Variants in MMP26 observed in about 807,000 individuals in gnomAD.
MMP26 encodes matrix metallopeptidase 26.
A neutral mutation model predicts 31.0 loss-of-function variants in MMP26; 33 were observed. The observed-to-expected ratio is 1.06, with a 90% CI of 0.81 to 1.42. MMP26 has a LOEUF of 1.42. MMP26 is among the 40% of genes most tolerant of loss of function. MMP26 has a pLI of 0.00. For missense variants in MMP26, 347 were observed against 316.1 expected, an observed-to-expected ratio of 1.10 and a Z score of -0.74; for synonymous variants, 122 against 114.9, an observed-to-expected ratio of 1.06 and a Z score of -0.40.
chr11:4,896,984 A>C (rs1018870957), intron 2 of MMP26, among the ~76,000 whole-genome samples: 3 of 152,034 alleles, frequency 2.0e-5, no homozygotes, highest in Non-Finnish European at 4.4e-5. Context: ...TCTTACTTTA[A>C]AGTCCATTTT....
In MMP26 at chr11:4,813,279, G is replaced by A. The variant is rs193237768; in HGVS notation, c.-145+45938G>A. 1.4e-3 allele frequency among the ~76,000 whole-genome samples: 217 copies of A among 152,196 alleles called. 1 individual carries two copies. Among genetic ancestry groups the A allele is most frequent in the Non-Finnish European group, 2.5e-3 (168 of 68,012 alleles). ...AGACACTTACCCTAAAGATGGCCTT[G>A]TATTTATGGAAAAATAGATCAATAC... On this transcript the variant is annotated intron_variant, in intron 2 of 7. Transcript: ENST00000380390.
At chr11:4,776,091 C>T (rs567779966) in intron 2 of MMP26, among the ~76,000 whole-genome samples, 1 of 152,146 alleles carries the variant, frequency 6.6e-6, no homozygotes, top group South Asian at 2.1e-4. Flanking sequence ...ATCATGGCCT[C>T]CAGTTTCATC....
chr11:4,722,922 C>A lies in MMP26; in HGVS notation c.-217+17877C>A, dbSNP rs540626156. On this transcript the variant is annotated intron_variant, in intron 1 of 7. Transcript: ENST00000380390. ...AGGCCCCCATAGGCCGAGCTTAGAC[C>A]ACCTGCATAGACACTGGTGGTCTTT... is the stretch of plus-strand genomic sequence containing the variant. 3.1e-5 allele frequency: 24 copies of A among 785,170 alleles called. No homozygotes were observed. The East Asian group carries it at 5.3e-4, about 17-fold the overall frequency. The allele number at this position is 785,170 out of a possible 1,614,324, so 48.6% of individuals were successfully genotyped here.
intron 2 of MMP26, among the ~76,000 whole-genome samples, chr11:4,920,089 G>A (rs752103014): frequency 8.5e-5 from 13 of 152,090 alleles, no homozygotes; most frequent in Non-Finnish European, 1.6e-4. Context: ...TGATGAAGAA[G>A]GCATTTTAGA....
intron 2 of MMP26, among the ~76,000 whole-genome samples, chr11:4,948,738 C>T (rs1869822): frequency 0.74 from 90,208 of 122,478 alleles, 39,247 homozygotes; most frequent in Middle Eastern, 0.88. Context: ...TCAATATTTA[C>T]TTGACTAAAG....
intron 2 of MMP26, among the ~76,000 whole-genome samples, chr11:4,942,625 T>C (rs1846230921): frequency 1.3e-5 from 2 of 152,196 alleles, no homozygotes; most frequent in South Asian, 4.1e-4. Flanking sequence ...TTTGCTTTGG[T>C]TGCAATAAGA....
rs1300041105 is a variant in MMP26, at chr11:4,948,586, A to T, written c.-144-39482A>T. 1.6e-5 allele frequency among the ~76,000 whole-genome samples: 2 copies of T among 124,056 alleles called. 1 individual carries two copies. Among genetic ancestry groups the T allele is most frequent in the Admixed American group, 1.8e-4 (2 of 11,106 alleles). The allele number at this position is 124,056 out of a possible 152,430, so 81.4% of individuals were successfully genotyped here. A position where few individuals can be genotyped will look rare whatever the true frequency, so the allele number is the denominator to read the frequency against. ...ACTGACTACTAGTTGATTCTAGTGGATAAGATGAAACATTTGGTCCTACAG... is the reference window on the plus strand; with the variant it reads ...ACTGACTACTAGTTGATTCTAGTGGTTAAGATGAAACATTTGGTCCTACAG... On this transcript the variant is annotated intron_variant, in intron 2 of 7. Coordinates refer to ENST00000380390, the MANE Select transcript of MMP26 (RefSeq NM_021801.5).
chr11:4,780,906 T>A (rs1848849874), intron 2 of MMP26, among the ~76,000 whole-genome samples: 1 of 151,790 alleles, frequency 6.6e-6, no homozygotes, highest in South Asian at 2.1e-4. Flanking sequence ...TCTGTAGATA[T>A]GTAAATTTAC....
At chr11:4,791,726 A>G (rs1054606957) in intron 2 of MMP26, among the ~76,000 whole-genome samples, 1 of 152,134 alleles carries the variant, frequency 6.6e-6, no homozygotes, top group Non-Finnish European at 1.5e-5. Context: ...GCAAAATAAT[A>G]TATAATGAAT....
At chr11:4,841,516 G>A (rs1226761048) in intron 2 of MMP26, among the ~76,000 whole-genome samples, 1 of 152,136 alleles carries the variant, frequency 6.6e-6, no homozygotes, top group Non-Finnish European at 1.5e-5. Context: ...GTGCTCTCAA[G>A]GAAGAGTTCT....
intron 2 of MMP26, among the ~76,000 whole-genome samples, chr11:4,905,720 A>T (rs1227831558): frequency 1.3e-5 from 2 of 152,168 alleles, no homozygotes; most frequent in Admixed American, 1.3e-4. Context: ...TATAGGCGGA[A>T]TTTATAATGA....
intron 2 of MMP26, among the ~76,000 whole-genome samples, chr11:4,894,498 G>A (rs1456765380): frequency 2.0e-5 from 3 of 152,134 alleles, no homozygotes; most frequent in Admixed American, 1.3e-4. Context: ...AAGGAAGGCC[G>A]AAGCCTTGGT....
At chr11:4,936,803 C>A (rs1408224524) in intron 2 of MMP26, among the ~76,000 whole-genome samples, 4 of 152,034 alleles carry the variant, frequency 2.6e-5, no homozygotes, top group African/African-American at 9.7e-5. Flanking sequence ...AAAATATACC[C>A]TTTGTAATAA....
chr11:4,745,607 G>T (rs772423969), intron 1 of MMP26, among the ~76,000 whole-genome samples: 1 of 152,174 alleles, frequency 6.6e-6, no homozygotes, highest in Non-Finnish European at 1.5e-5. Context: ...ACATTGACAA[G>T]AAATTATCAC....
intron 2 of MMP26, among the ~76,000 whole-genome samples, chr11:4,910,668 T>G (rs756858708): frequency 2.2e-4 from 34 of 152,130 alleles, no homozygotes; most frequent in Admixed American, 7.9e-4. Context: ...CTTTAATTGT[T>G]TAAAGATTGC....
At chr11:4,882,078 C>G (rs375143259) in intron 2 of MMP26, 22 of 1,613,778 alleles carry the variant, frequency 1.4e-5, no homozygotes, top group African/African-American at 2.7e-5. Context: ...CTCCACAAAC[C>G]CATGTATTAT....
At chr11:4,761,326 C>T (rs1848566925) in intron 1 of MMP26, among the ~76,000 whole-genome samples, 1 of 152,162 alleles carries the variant, frequency 6.6e-6, no homozygotes, top group African/African-American at 2.4e-5. Flanking sequence ...GGAGAGCAGC[C>T]ACTTGATTTG....
chr11:4,891,785 T>C (rs947486900), intron 2 of MMP26, among the ~76,000 whole-genome samples: 10 of 152,178 alleles, frequency 6.6e-5, no homozygotes, highest in Admixed American at 2.6e-4. Context: ...TAGCTCAACA[T>C]ACACTTTCAC....
At chr11:4,720,453 T>A (rs1440270692) in intron 1 of MMP26, among the ~76,000 whole-genome samples, 1 of 152,218 alleles carries the variant, frequency 6.6e-6, no homozygotes, top group African/African-American at 2.4e-5. Flanking sequence ...GATATGCTAT[T>A]CGGGTCTAGA....
Sources: gnomAD v4.1 joint callset for allele counts (sites outside exome capture counted in the v4.1 genomes callset) on GRCh38, gnomAD v4.1.1 for gene constraint, MANE v1.5 for transcripts, NCBI Gene and HGNC (gene_info 2026-07-23, HGNC 2026-07-21) for gene names.